SBF2: variants seen among roughly 807,000 people sequenced by gnomAD.
The protein encoded by SBF2 is myotubularin-related protein 13.
A neutral mutation model predicts 225.2 loss-of-function variants in SBF2; 112 were observed. The observed-to-expected ratio is 0.50, with a 90% CI of 0.43 to 0.58. The LOEUF is 0.58. Among genes scored for constraint, SBF2 ranks in the 20% least tolerant of loss-of-function variants. The pLI is 0.00. For synonymous variants in SBF2, 763 were observed against 773.3 expected, an observed-to-expected ratio of 0.99 and a Z score of 0.22; for missense variants, 1,996 against 2,206.2, an observed-to-expected ratio of 0.90 and a Z score of 1.91.
chr11:10,300,522 T>C (rs1024290535), intron 1 of SBF2, among the ~76,000 whole-genome samples: 2 of 150,964 alleles, frequency 1.3e-5, no homozygotes, highest in African/African-American at 4.9e-5. Context: ...AAAATATATA[T>C]AAATATATAT....
At chr11:9,962,346 T>C (rs1006424276) in intron 15 of SBF2, among the ~76,000 whole-genome samples, 1 of 152,190 alleles carries the variant, frequency 6.6e-6, no homozygotes, top group African/African-American at 2.4e-5. Context: ...TTGAAAAACA[T>C]TTAATTTCAC....
chr11:10,242,250 T>C (rs1160589551), intron 1 of SBF2, among the ~76,000 whole-genome samples: 3 of 152,086 alleles, frequency 2.0e-5, no homozygotes, highest in South Asian at 2.1e-4. Context: ...TATAAGTGTA[T>C]AGTTTTTATA....
At chr11:10,100,617 G>C (rs964166136) in intron 2 of SBF2, among the ~76,000 whole-genome samples, 2 of 152,170 alleles carry the variant, frequency 1.3e-5, no homozygotes, top group African/African-American at 4.8e-5. Flanking sequence ...AGTGCTTATA[G>C]CTGTAGCCCC....
rs77083230 is a variant in SBF2, at chr11:9,860,983, T to C, written c.1930-2587A>G. 2.3e-3 allele frequency among the ~76,000 whole-genome samples: 347 copies of C among 152,350 alleles called. 1 individual carries two copies. Among genetic ancestry groups the C allele is most frequent in the African/African-American group, 8.0e-3 (331 of 41,596 alleles). ...CAGTATTTTTCACACTGATGGTGTA[T>C]ATTTGCTTTCCTTGGCACATTTGAG... On this transcript the variant is annotated intron_variant, in intron 17 of 39. Coordinates refer to ENST00000256190, the MANE Select transcript of SBF2 (RefSeq NM_030962.4).
At chr11:10,071,253 T>C (rs1038140648) in intron 2 of SBF2, among the ~76,000 whole-genome samples, 13 of 135,728 alleles carry the variant, frequency 9.6e-5, no homozygotes, top group South Asian at 2.3e-4. Flanking sequence ...TTCTCTTTTT[T>C]TCTCTCTCTC....
intron 2 of SBF2, among the ~76,000 whole-genome samples, chr11:10,092,694 G>A (rs985164434): frequency 6.6e-5 from 10 of 152,182 alleles, no homozygotes; most frequent in Admixed American, 6.5e-4. Flanking sequence ...AAGAGGGTAC[G>A]ATTTAGAGGA....
chr11:10,052,418 C>T (rs1476135513), intron 2 of SBF2, among the ~76,000 whole-genome samples: 2 of 152,110 alleles, frequency 1.3e-5, no homozygotes, highest in Non-Finnish European at 1.5e-5. Flanking sequence ...ATGTTAACAA[C>T]GTATCTGGGA....
intron 21 of SBF2, 113 bp from the exon 22 acceptor site, chr11:9,850,331 C>T (rs1590219191): frequency 4.2e-6 from 4 of 963,030 alleles, no homozygotes; most frequent in South Asian, 4.1e-5. Flanking sequence ...TCATAGTTCA[C>T]TGCAGCATCA....
At chr11:10,079,048 GAAGA>G (rs558951124) in intron 2 of SBF2, among the ~76,000 whole-genome samples, 114 of 151,692 alleles carry the variant, frequency 7.5e-4, no homozygotes, top group Middle Eastern at 3.4e-3. Context: ...GCATCCTGAA[GAAGA>G]AAAAAAGTTA....
At chr11:10,013,717 A>C (rs1363287877) in intron 6 of SBF2, among the ~76,000 whole-genome samples, 1 of 152,156 alleles carries the variant, frequency 6.6e-6, no homozygotes, top group Non-Finnish European at 1.5e-5. Flanking sequence ...TAAATATCTC[A>C]TCTCTCACCA....
intron 2 of SBF2, among the ~76,000 whole-genome samples, chr11:10,072,721 CTT>C (rs760663007): frequency 4.6e-5 from 6 of 130,690 alleles, no homozygotes; most frequent in African/African-American, 1.1e-4. Flanking sequence ...CCAGTGGAAT[CTT>C]TTTTTTTTTT....
intron 16 of SBF2, among the ~76,000 whole-genome samples, chr11:9,936,731 T>C (rs781269226): frequency 2.6e-4 from 40 of 152,100 alleles, no homozygotes; most frequent in Non-Finnish European, 5.4e-4. Flanking sequence ...ATGTTCTCAC[T>C]CATAGGTGGG....
chr11:9,892,849 G>A (rs993922327), intron 17 of SBF2, among the ~76,000 whole-genome samples: 4 of 150,114 alleles, frequency 2.7e-5, no homozygotes, highest in African/African-American at 9.7e-5. Flanking sequence ...ATGAGCCACC[G>A]TACCCGGTAT....
At chr11:9,898,439 G>A (rs183716091) in intron 16 of SBF2, among the ~76,000 whole-genome samples, 556 of 152,318 alleles carry the variant, frequency 3.7e-3, no homozygotes, top group Non-Finnish European at 6.3e-3. Context: ...AGGAGGCAGA[G>A]GCGGGTGGAT....
chr11:9,992,856 T>C, intron 11 of SBF2, 134 bp downstream of exon 11: 1 of 665,984 alleles, frequency 1.5e-6, no homozygotes, highest in Admixed American at 2.9e-5. Context: ...AACTGATATC[T>C]AACCACACAG....
intron 16 of SBF2, among the ~76,000 whole-genome samples, chr11:9,949,932 C>A (rs1465687143): frequency 6.6e-6 from 1 of 152,076 alleles, no homozygotes; most frequent in African/African-American, 2.4e-5. Context: ...AAAATATCCA[C>A]AATGTATACA....
At chr11:9,831,453 T>G (rs566674643) in intron 27 of SBF2, among the ~76,000 whole-genome samples, 21 of 152,352 alleles carry the variant, frequency 1.4e-4, no homozygotes, top group South Asian at 1.0e-3. Flanking sequence ...ATCAAAACAT[T>G]GGCTGACTTT....
At chr11:9,803,544 C>G (rs1853612904) in intron 32 of SBF2, among the ~76,000 whole-genome samples, 1 of 151,996 alleles carries the variant, frequency 6.6e-6, no homozygotes, top group African/African-American at 2.4e-5. Flanking sequence ...ACTTGGGAGA[C>G]AATGATGTTC....
intron 1 of SBF2, among the ~76,000 whole-genome samples, chr11:10,282,052 T>C (rs1037207625): frequency 6.6e-6 from 1 of 152,228 alleles, no homozygotes; most frequent in African/African-American, 2.4e-5. Context: ...AAAATGACTA[T>C]GGCCCCCACA....
Sources: allele counts gnomAD v4.1 joint callset (sites outside exome capture counted in the v4.1 genomes callset), GRCh38; gene constraint gnomAD v4.1.1; transcripts MANE v1.5; gene names NCBI Gene and HGNC (gene_info 2026-07-23, HGNC 2026-07-21).